TSTD2: variants seen among roughly 807,000 people sequenced by gnomAD.
TSTD2 encodes the protein thiosulfate sulfurtransferase/rhodanese-like domain-containing protein 2.
TSTD2 carries 37 observed loss-of-function variants against 47.9 expected under a neutral mutation model. That is an observed-to-expected ratio of 0.77 (90% CI 0.59 to 1.02). The LOEUF (loss-of-function observed/expected upper bound fraction) is 1.02. Among genes scored for constraint, TSTD2 ranks in the 50% least tolerant of loss-of-function variants. The pLI is 0.00. For missense variants in TSTD2, 586 were observed against 616.0 expected (o/e 0.95, Z 0.52); for synonymous variants, 201 against 215.9 (o/e 0.93, Z 0.61).
At chr9:97,605,285 T>C (rs1174957460) in intron 8 of TSTD2, among the ~76,000 whole-genome samples, 198 bp downstream of exon 8, 7 of 152,218 alleles carry the variant, frequency 4.6e-5, no homozygotes, top group African/African-American at 1.7e-4. Context: ...GACTGTTAAG[T>C]GTTTTTCATA....
At chr9:97,603,453 A>T (rs1261913590) in intron 9 of TSTD2, among the ~76,000 whole-genome samples, 1 of 152,192 alleles carries the variant, frequency 6.6e-6, no homozygotes, top group Non-Finnish European at 1.5e-5. Flanking sequence ...CTGTAAAATC[A>T]AATCTACTCT....
chr9:97,617,584 A>G (rs1012286228), intron 4 of TSTD2, among the ~76,000 whole-genome samples, 173 bp downstream of exon 4: 2 of 152,268 alleles, frequency 1.3e-5, no homozygotes, highest in African/African-American at 4.8e-5. Context: ...AAATATTCTT[A>G]TAAAATACCA....
chr9:97,601,181 C>T lies in TSTD2; in HGVS notation c.*1288G>A. The T allele has an allele frequency of 7.7e-7, 1 of 1,298,046 alleles. No homozygotes were observed. The highest frequency in any genetic ancestry group is 1.0e-6 in the Non-Finnish European group (1 of 986,150). The allele number at this position is 1,298,046 out of a possible 1,614,324, so 80.4% of individuals were successfully genotyped here. ...GACAACCATCCCCATTTGGCTTCTC[C>T]TTAAAACACAATTGCAGCTGCATTC... is the stretch of plus-strand genomic sequence containing the variant. On this transcript the variant is annotated 3_prime_UTR_variant, in exon 10 of 10. Coordinates refer to ENST00000341170, the MANE Select transcript of TSTD2 (RefSeq NM_139246.5).
chr9:97,625,112 G>A (rs2131316885), intron 3 of TSTD2, among the ~76,000 whole-genome samples: 1 of 152,150 alleles, frequency 6.6e-6, no homozygotes, highest in African/African-American at 2.4e-5. Flanking sequence ...AATCTCTTGT[G>A]TATTCCCAAA....
chr9:97,628,599 A>G (rs1351800007), intron 1 of TSTD2, among the ~76,000 whole-genome samples: 2 of 152,208 alleles, frequency 1.3e-5, no homozygotes, highest in Non-Finnish European at 2.9e-5. Flanking sequence ...AATTTTATTT[A>G]AAAATTAGCT....
Position 97,604,760 on chromosome 9 carries a change from A to G in TSTD2, c.1219T>C (p.Tyr407His). ...ACATCACTGTTGTAGGACAGAGCAT[A>G]GCGTTCATCAAAAACAAACAACTTC... ...KGKLFVFDER[Y>H]ALSYNSDVVS... The change falls in exon 9 of 10, where the codon TAT (tyrosine) becomes CAT (histidine). Residue 407 changes from tyrosine to histidine, a missense_variant. Transcript: ENST00000341170. 6.2e-7 allele frequency: 1 copy of G among 1,614,242 alleles called. No individual in the cohort carries two copies. The highest frequency in any genetic ancestry group is 8.5e-7 in the Non-Finnish European group (1 of 1,180,052).
Position 97,602,614 on chromosome 9 carries a change from C to T in TSTD2, c.1406G>A (p.Gly469Asp), listed in dbSNP as rs1424775631. The T allele has an allele frequency of 6.2e-7, 1 of 1,614,220 alleles. No individual in the cohort carries two copies. Among genetic ancestry groups the T allele is most frequent in the Admixed American group, 1.7e-5 (1 of 60,028 alleles). The part of the protein sequence containing the change: ...CQDKGSRKVS[G>D]PMQDSFKEEC... ...CTCTTTAAAGCTGTCTTGCATAGGG[C>T]CTGAAACTTTCCTGCTCCCCTTGTC... The change falls in exon 10 of 10, where the codon GGC (glycine) becomes GAC (aspartate). Residue 469 changes from glycine to aspartate, a missense_variant. Transcript: ENST00000341170.
At chr9:97,605,687 C>T (rs1040092943) in intron 7 of TSTD2, 46 bp from the exon 8 acceptor site, 1 of 1,612,442 alleles carries the variant, frequency 6.2e-7, no homozygotes, top group African/African-American at 1.3e-5. Flanking sequence ...AAAAACATAC[C>T]TGGTAGGAAC....
chr9:97,610,498 C>T lies in TSTD2; in HGVS notation c.730-47G>A, dbSNP rs766328626. 4 of 1,385,524 alleles carry T rather than the reference C, an allele frequency of 2.9e-6. No homozygotes were observed. The East Asian group carries it at 7.8e-5, about 27-fold the overall frequency. The allele number at this position is 1,385,524 out of a possible 1,614,324, so 85.8% of individuals were successfully genotyped here. A position where few individuals can be genotyped will look rare whatever the true frequency, so the allele number is the denominator to read the frequency against. On this transcript the variant is annotated intron_variant, in intron 5 of 9. Coordinates refer to ENST00000341170, the MANE Select transcript of TSTD2 (RefSeq NM_139246.5). ...AGAATACAGTCTTGCTGTCCCATCT[C>T]CAGGTATAAGACAAGTGCCAATATA... is the stretch of plus-strand genomic sequence containing the variant.
intron 6 of TSTD2, among the ~76,000 whole-genome samples, chr9:97,607,421 AC>A (rs1354267058): frequency 1.3e-5 from 2 of 152,156 alleles, no homozygotes; most frequent in African/African-American, 4.8e-5. Flanking sequence ...TCAGAGAGGA[AC>A]CCCAACAACC....
In TSTD2 at chr9:97,602,377, TTC is replaced by T. The variant is rs2131302999; in HGVS notation, c.*90_*91del. The T allele has an allele frequency of 2.8e-6, 4 of 1,419,366 alleles. No individual in the cohort carries two copies. The highest frequency in any genetic ancestry group is 2.4e-4 in the Middle Eastern group (1 of 4,208). The allele number at this position is 1,419,366 out of a possible 1,614,324, so 87.9% of individuals were successfully genotyped here. ...AGCGGCCAGAACTGAAGTTCCCGAT[TTC>T]TCTGTTTCTGCAGTCTTGCCATGCT... On this transcript the variant is annotated 3_prime_UTR_variant, in exon 10 of 10. Coordinates refer to ENST00000341170, the MANE Select transcript of TSTD2 (RefSeq NM_139246.5).
chr9:97,621,058 A>G (rs1315253976), intron 3 of TSTD2, among the ~76,000 whole-genome samples: 4 of 152,218 alleles, frequency 2.6e-5, no homozygotes, highest in Non-Finnish European at 4.4e-5. Flanking sequence ...TGTTGTGGGA[A>G]GTCAGGGACC....
At chr9:97,612,658 C>T (rs1396139374) in intron 4 of TSTD2, among the ~76,000 whole-genome samples, 2 of 152,192 alleles carry the variant, frequency 1.3e-5, no homozygotes, top group African/African-American at 4.8e-5. Flanking sequence ...TGGGTTCAAG[C>T]GATTCTCCTA....
chr9:97,613,679 A>G (rs1826494433), intron 4 of TSTD2, among the ~76,000 whole-genome samples: 1 of 152,182 alleles, frequency 6.6e-6, no homozygotes. Context: ...ACTGTCTGGA[A>G]AAAGAGATGA....
intron 3 of TSTD2, among the ~76,000 whole-genome samples, chr9:97,620,783 G>C (rs1387496937): frequency 2.6e-5 from 4 of 152,180 alleles, no homozygotes; most frequent in Non-Finnish European, 4.4e-5. Context: ...AGACGATTTA[G>C]GGTATCAGCA....
chr9:97,631,749 C>T (rs1304383644), intron 1 of TSTD2, among the ~76,000 whole-genome samples: 1 of 151,972 alleles, frequency 6.6e-6, no homozygotes, highest in Non-Finnish European at 1.5e-5. Flanking sequence ...GTGGCTAAGG[C>T]ACAAGAATTG....
chr9:97,615,000 AAG>A (rs1307650507), intron 4 of TSTD2, among the ~76,000 whole-genome samples: 1 of 152,154 alleles, frequency 6.6e-6, no homozygotes, highest in East Asian at 1.9e-4. Context: ...CCCACTCCAA[AAG>A]AGTTTCTGAC....
intron 3 of TSTD2, among the ~76,000 whole-genome samples, chr9:97,625,173 C>T (rs992723741): frequency 3.3e-5 from 5 of 152,176 alleles, no homozygotes; most frequent in Admixed American, 2.6e-4. Context: ...CCTTCAAGTA[C>T]ATGAAATCAG....
intron 6 of TSTD2, among the ~76,000 whole-genome samples, chr9:97,607,598 G>A (rs1826385493): frequency 6.6e-6 from 1 of 152,192 alleles, no homozygotes; most frequent in Admixed American, 6.5e-5. Flanking sequence ...GGGGTGAAAA[G>A]GGAGATTCAA....
Sources: gnomAD v4.1 joint callset for allele counts (sites outside exome capture counted in the v4.1 genomes callset) on GRCh38, gnomAD v4.1.1 for gene constraint, MANE v1.5 for transcripts, NCBI Gene and HGNC (gene_info 2026-07-23, HGNC 2026-07-21) for gene names.